Variants in SYF2 observed in about 807,000 individuals in gnomAD.
SYF2 encodes the protein pre-mRNA-splicing factor SYF2.
A neutral mutation model predicts 32.7 loss-of-function variants in SYF2; 21 were observed. The observed-to-expected ratio is 0.64, with a 90% CI of 0.45 to 0.92. The LOEUF (loss-of-function observed/expected upper bound fraction) is 0.92, where lower values mean the gene tolerates loss of function less well. Ranked by LOEUF, SYF2 falls within the 40% of genes least tolerant of loss-of-function variation. The pLI is 0.00. For missense variants in SYF2, 278 were observed against 296.5 expected, an observed-to-expected ratio of 0.94 and a Z score of 0.46; for synonymous variants, 114 against 103.9, an observed-to-expected ratio of 1.10 and a Z score of -0.59.
chr1:25,228,051 A>G, intron 4 of SYF2, 67 bp downstream of exon 4: 1 of 1,358,054 alleles, frequency 7.4e-7, no homozygotes, highest in Non-Finnish European at 1.0e-6. Flanking sequence ...TCCTTTCTTG[A>G]AACCAGAAAC....
intron 4 of SYF2, 135 bp downstream of exon 4, chr1:25,227,980 ATTT>A: frequency 1.5e-6 from 1 of 678,110 alleles, no homozygotes; most frequent in Non-Finnish European, 2.6e-6. Flanking sequence ...TAAGAGACAT[ATTT>A]GTACTTTTCT....
chr1:25,229,746 G>GATTGCACTA (rs1459195215), intron 2 of SYF2, among the ~76,000 whole-genome samples: 16 of 150,406 alleles, frequency 1.1e-4, no homozygotes, highest in African/African-American at 3.9e-4. Flanking sequence ...CTGCACTACA[G>GATTGCACTA]CCTGGGTGAC....
chr1:25,225,105 A>C lies in SYF2; in HGVS notation c.468-5T>G. The C allele has an allele frequency of 6.2e-7, 1 of 1,601,062 alleles. No homozygotes were observed. Among genetic ancestry groups the C allele is most frequent in the South Asian group, 1.1e-5 (1 of 90,830 alleles). On this transcript the variant is annotated splice_region_variant and splice_polypyrimidine_tract_variant and intron_variant, in intron 5 of 6. Coordinates refer to ENST00000236273, the MANE Select transcript of SYF2 (RefSeq NM_015484.5). The stretch of plus-strand genomic sequence containing the variant: ...GTTGGGAAAAACTCTTCTCCACTGA[A>C]AAGGCAGCAAAATGAACTTACAGTA...
intron 2 of SYF2, among the ~76,000 whole-genome samples, chr1:25,229,479 A>G (rs1638583959): frequency 6.6e-6 from 1 of 152,156 alleles, no homozygotes; most frequent in Admixed American, 6.5e-5. Context: ...TTTATTTGGC[A>G]TTACTATTAA....
intron 6 of SYF2, among the ~76,000 whole-genome samples, chr1:25,224,403 G>C (rs1025408646): frequency 2.6e-5 from 4 of 151,950 alleles, no homozygotes; most frequent in Admixed American, 1.3e-4. Flanking sequence ...CTACAGGCAC[G>C]TACCACCATG....
intron 6 of SYF2, 55 bp from the exon 7 acceptor site, chr1:25,223,486 ATAAAAC>A: frequency 6.5e-7 from 1 of 1,540,522 alleles, no homozygotes; most frequent in Non-Finnish European, 8.8e-7. Flanking sequence ...TTTGATCTTA[ATAAAAC>A]ACAACCAAAC....
chr1:25,231,992 A>G, intron 2 of SYF2, 112 bp downstream of exon 2: 1 of 1,045,578 alleles, frequency 9.6e-7, no homozygotes, highest in Non-Finnish European at 1.5e-6. Context: ...CTCTCAGATG[A>G]TCCTGCTCTG....
At chr1:25,231,293 C>CCTAG (rs1425539139) in intron 2 of SYF2, 1 of 152,230 alleles carries the variant, frequency 6.6e-6, no homozygotes, top group Non-Finnish European at 1.5e-5. Context: ...GAAACCATGG[C>CCTAG]CTAGCTGTCA....
chr1:25,229,512 C>T (rs1309683732), intron 2 of SYF2, among the ~76,000 whole-genome samples: 1 of 152,152 alleles, frequency 6.6e-6, no homozygotes, highest in Non-Finnish European at 1.5e-5. Context: ...CAGTGGATCA[C>T]GCTTGTAATC....
intron 4 of SYF2, 27 bp downstream of exon 4, chr1:25,228,091 A>G (rs367603368): frequency 2.6e-6 from 4 of 1,559,290 alleles, no homozygotes; most frequent in Non-Finnish European, 3.5e-6. Flanking sequence ...AGCCCAGTCA[A>G]TAAGGTTCAA....
At chr1:25,225,452 C>T (rs184185520) in intron 5 of SYF2, among the ~76,000 whole-genome samples, 1,898 of 151,598 alleles carry the variant, frequency 0.013, 45 homozygotes, top group African/African-American at 0.044. Flanking sequence ...CACTTGAACC[C>T]GGGAGGTGGA....
In SYF2 at chr1:25,232,456, T is replaced by C; in HGVS notation, c.12A>G (p.Ile4Met). The change falls in exon 1 of 7, where the codon ATA becomes ATG. Residue 4 changes from isoleucine to methionine, a missense_variant. Coordinates refer to ENST00000236273, the MANE Select transcript of SYF2 (RefSeq NM_015484.5). ...GGGTGGAACTCACCTCGGATGCAGC[T>C]ATAGCCGCCATCACAACCTTTCTCT... MAA[I>M]AASEVLVDSA... 2 of 1,614,194 alleles carry C rather than the reference T, an allele frequency of 1.2e-6. No homozygotes were observed. Among genetic ancestry groups the C allele is most frequent in the South Asian group, 1.1e-5 (1 of 91,090 alleles).
At chr1:25,227,094 C>G (rs534885294) in intron 5 of SYF2, among the ~76,000 whole-genome samples, 2 of 152,174 alleles carry the variant, frequency 1.3e-5, no homozygotes, top group South Asian at 2.1e-4. Flanking sequence ...ACCAGCCTGG[C>G]CAACGTGGTG....
chr1:25,223,548 G>A (rs952820898), intron 6 of SYF2, 117 bp from the exon 7 acceptor site: 75 of 985,692 alleles, frequency 7.6e-5, no homozygotes, highest in Non-Finnish European at 1.1e-4. Context: ...GAGGGCTAGA[G>A]GAAGCCAGGA....
In SYF2 at chr1:25,225,011, A is replaced by C. The variant is rs2124509629; in HGVS notation, c.557T>G (p.Leu186Arg). The part of the protein sequence containing the change: ...TEEIDRMVID[L>R]EKQIEKRDKY... ...TCTACTGAATACTTACTGTTTTTCC[A>C]GATCTATGACCATCCTGTCAATTTC... Residue 186 changes from leucine to arginine, a missense_variant, in exon 6 of 7, where the codon CTG (leucine) becomes CGG (arginine). By Grantham distance (102) the Leu-to-Arg change is moderately radical. Coordinates refer to ENST00000236273, the MANE Select transcript of SYF2 (RefSeq NM_015484.5). The C allele has an allele frequency of 6.2e-7, 1 of 1,612,408 alleles. No individual in the cohort carries two copies. Among genetic ancestry groups the C allele is most frequent in the East Asian group, 2.2e-5 (1 of 44,848 alleles).
At chr1:25,226,156 A>C (rs1019648432) in intron 5 of SYF2, among the ~76,000 whole-genome samples, 2 of 152,000 alleles carry the variant, frequency 1.3e-5, no homozygotes, top group African/African-American at 4.8e-5. Flanking sequence ...TCAAAAAAAA[A>C]ATAAAAATAA....
Position 25,222,831 on chromosome 1 carries a change from C to T in SYF2, c.*435G>A, listed in dbSNP as rs867437039. 6.5e-6 allele frequency: 1 copy of T among 154,342 alleles called. No individual in the cohort carries two copies. The highest frequency in any genetic ancestry group is 2.4e-5 in the African/African-American group (1 of 41,452). The allele number at this position is 154,342 out of a possible 1,614,324, so 9.6% of individuals were successfully genotyped here. A position where few individuals can be genotyped will look rare whatever the true frequency, so the allele number is the denominator to read the frequency against. Reference sequence around the variant, plus strand: ...GTCCTCCGGTGGCCACTGCCATCTTCCTCATCACTGTCCTTAGCTTTGGAG... The same window carrying T: ...GTCCTCCGGTGGCCACTGCCATCTTTCTCATCACTGTCCTTAGCTTTGGAG... On this transcript the variant is annotated 3_prime_UTR_variant, in exon 7 of 7. Coordinates refer to ENST00000236273, the MANE Select transcript of SYF2 (RefSeq NM_015484.5).
At chr1:25,227,626 T>G in intron 4 of SYF2, 94 bp from the exon 5 acceptor site, 1 of 1,138,540 alleles carries the variant, frequency 8.8e-7, no homozygotes, top group African/African-American at 1.6e-5. Context: ...GTGAGTATCT[T>G]TTATCCAAAA....
At position 25,225,029 on chromosome 1, in the gene SYF2, T is replaced by C; in HGVS notation, c.539A>G (p.Asp180Gly). The part of the protein sequence containing the change: ...GTHVPSTEEI[D>G]RMVIDLEKQI... ...TTTTTCCAGATCTATGACCATCCTG[T>C]CAATTTCCTCTGTGGAAGGCACATG... is the stretch of plus-strand genomic sequence containing the variant. Residue 180 changes from aspartate to glycine, a missense_variant, in exon 6 of 7, where the codon GAC (aspartate) becomes GGC (glycine). Transcript: ENST00000236273. 1 of 1,614,004 alleles carries C rather than the reference T, an allele frequency of 6.2e-7. No individual in the cohort carries two copies. The highest frequency in any genetic ancestry group is 8.5e-7 in the Non-Finnish European group (1 of 1,179,866).
Sources: gnomAD v4.1 joint callset for allele counts (sites outside exome capture counted in the v4.1 genomes callset) on GRCh38, gnomAD v4.1.1 for gene constraint, MANE v1.5 for transcripts, NCBI Gene and HGNC (gene_info 2026-07-23, HGNC 2026-07-21) for gene names.